SLC35D4: variants seen among roughly 807,000 people sequenced by gnomAD.
The protein encoded by SLC35D4 is solute carrier family 35 member D4.
chr18:23,333,098 T>C, the SLC35D4 span, among the ~76,000 whole-genome samples: 7 of 152,136 alleles, frequency 4.6e-5, no homozygotes, highest in South Asian at 8.3e-4. Context: ...AAAACCTTCA[T>C]AAAAAGCATA....
At chr18:23,386,787 G>A in the SLC35D4 span, among the ~76,000 whole-genome samples, 1 of 151,730 alleles carries the variant, frequency 6.6e-6, no homozygotes, top group Non-Finnish European at 1.5e-5. Context: ...GGATATACTG[G>A]TACCTACTGC....
chr18:23,302,370 T>G, the SLC35D4 span, among the ~76,000 whole-genome samples: 1 of 152,232 alleles, frequency 6.6e-6, no homozygotes, highest in African/African-American at 2.4e-5. Context: ...GGTGGGACTT[T>G]TGGCAATGTC....
At chr18:23,239,150 G>A in the SLC35D4 span, among the ~76,000 whole-genome samples, 70 of 152,286 alleles carry the variant, frequency 4.6e-4, 1 homozygote, top group South Asian at 8.3e-4. Context: ...GTGTATGTGC[G>A]TGTGCACGTA....
At chr18:23,284,490 C>T in the SLC35D4 span, among the ~76,000 whole-genome samples, 1 of 152,172 alleles carries the variant, frequency 6.6e-6, no homozygotes, top group Non-Finnish European at 1.5e-5. Context: ...CCTGTAAGTC[C>T]CTGCTCCGAG....
the SLC35D4 span, chr18:23,296,854 T>A: frequency 6.7e-6 from 1 of 148,716 alleles, no homozygotes; most frequent in East Asian, 2.0e-4. Flanking sequence ...AACCTGAGGG[T>A]GGGCAAAAAA....
chr18:23,429,733 G>A, the SLC35D4 span, among the ~76,000 whole-genome samples: 1 of 152,102 alleles, frequency 6.6e-6, no homozygotes, highest in Non-Finnish European at 1.5e-5. Flanking sequence ...TCTCATTGTG[G>A]TTTTGATTTG....
the SLC35D4 span, among the ~76,000 whole-genome samples, chr18:23,339,800 G>C: frequency 6.6e-6 from 1 of 152,178 alleles, no homozygotes; most frequent in Non-Finnish European, 1.5e-5. Context: ...AAGCAAGGCA[G>C]CTCTCTGGGA....
At chr18:23,414,327 A>AAGGAAGGAAGGC in the SLC35D4 span, among the ~76,000 whole-genome samples, 2 of 139,788 alleles carry the variant, frequency 1.4e-5, no homozygotes, top group African/African-American at 6.1e-5. Context: ...GGAAGGAAGG[A>AAGGAAGGAAGGC]AGGAAGGCAG....
chr18:23,316,135 A>T, the SLC35D4 span, among the ~76,000 whole-genome samples: 1 of 152,240 alleles, frequency 6.6e-6, no homozygotes, highest in Non-Finnish European at 1.5e-5. Context: ...CTCCAACTCC[A>T]GCCACAAGGC....
the SLC35D4 span, among the ~76,000 whole-genome samples, chr18:23,409,284 T>C: frequency 6.6e-6 from 1 of 152,236 alleles, no homozygotes; most frequent in Non-Finnish European, 1.5e-5. Context: ...CCAATCATTG[T>C]CTATATGCGC....
At chr18:23,435,944 C>T in the SLC35D4 span, among the ~76,000 whole-genome samples, 1 of 152,224 alleles carries the variant, frequency 6.6e-6, no homozygotes, top group East Asian at 1.9e-4. Context: ...GATCCGCTCA[C>T]CTCAGCCTCC....
the SLC35D4 span, among the ~76,000 whole-genome samples, chr18:23,422,738 G>A: frequency 4.6e-4 from 70 of 152,194 alleles, no homozygotes; most frequent in African/African-American, 1.7e-3. Context: ...CAACACATTC[G>A]GGGTCATGAA....
chr18:23,291,377 A>G, the SLC35D4 span, among the ~76,000 whole-genome samples: 1 of 152,244 alleles, frequency 6.6e-6, no homozygotes. Flanking sequence ...CTATTGTTGC[A>G]TAACACGCTG....
chr18:23,285,748 T>C, the SLC35D4 span, among the ~76,000 whole-genome samples: 1,377 of 152,070 alleles, frequency 9.1e-3, 8 homozygotes, highest in East Asian at 0.034. Context: ...AGCCTCCGCT[T>C]CTCCACCCTA....
the SLC35D4 span, among the ~76,000 whole-genome samples, chr18:23,384,494 T>C: frequency 6.6e-6 from 1 of 152,202 alleles, no homozygotes; most frequent in Non-Finnish European, 1.5e-5. Flanking sequence ...TGCTGTGTTC[T>C]TCGAAAAAGT....
the SLC35D4 span, chr18:23,399,719 A>G: frequency 6.9e-7 from 1 of 1,456,302 alleles, no homozygotes; most frequent in Non-Finnish European, 9.5e-7. Context: ...GGAAAGGCTG[A>G]CCCTCCAGAT....
the SLC35D4 span, among the ~76,000 whole-genome samples, chr18:23,345,460 C>T: frequency 7.5e-3 from 855 of 114,476 alleles, 9 homozygotes; most frequent in African/African-American, 0.028. Context: ...CCAGCCTGGG[C>T]GACAGAGGGA....
chr18:23,319,002 C>G, the SLC35D4 span, among the ~76,000 whole-genome samples: 2 of 151,438 alleles, frequency 1.3e-5, no homozygotes, highest in African/African-American at 4.9e-5. Flanking sequence ...TGCCACCATG[C>G]CTGGCTAATT....
the SLC35D4 span, chr18:23,352,081 G>T: frequency 1.3e-6 from 1 of 769,262 alleles, no homozygotes; most frequent in Non-Finnish European, 2.1e-6. Flanking sequence ...CAGGCTCAGG[G>T]ACAGCGCCTA....
Sources: allele counts gnomAD v4.1 joint callset (sites outside exome capture counted in the v4.1 genomes callset), GRCh38; gene constraint gnomAD v4.1.1; transcripts MANE v1.5; gene names NCBI Gene and HGNC (gene_info 2026-07-23, HGNC 2026-07-21).